The following JKAMP variants were observed in gnomAD, a reference collection of about 807,000 sequenced individuals.
JKAMP encodes JNK1/MAPK8-associated membrane protein.
Under a neutral mutation model 40.2 loss-of-function variants are expected in JKAMP, and 20 were observed. The observed-to-expected ratio is 0.50, with a 90% CI of 0.35 to 0.72. The LOEUF is 0.72. Ranked by LOEUF, JKAMP falls within the 30% of genes least tolerant of loss-of-function variation. The pLI is 0.01. For missense variants in JKAMP, 276 were observed against 373.0 expected (o/e 0.74, Z 2.14); for synonymous variants, 138 against 131.6 (o/e 1.05, Z -0.33).
chr14:59,489,922 C>T (rs959541404), intron 3 of JKAMP, among the ~76,000 whole-genome samples: 2 of 151,680 alleles, frequency 1.3e-5, no homozygotes, highest in Non-Finnish European at 2.9e-5. Context: ...TTTAATTTAT[C>T]TTTTCGTTTT....
Position 59,486,790 on chromosome 14 carries a change from T to C in JKAMP, c.82T>C (p.Tyr28His). 6.4e-7 allele frequency: 1 copy of C among 1,572,320 alleles called. No homozygotes were observed. Among genetic ancestry groups the C allele is most frequent in the Non-Finnish European group, 8.7e-7 (1 of 1,151,624 alleles). Residue 28 changes from tyrosine to histidine, a missense_variant, in exon 2 of 7, where the codon TAT (tyrosine) becomes CAT (histidine). By Grantham distance (83) the Tyr-to-His change is moderately conservative. Transcript: ENST00000616435. The part of the protein sequence containing the change: ...LLFKNGSTEI[Y>H]GECGVCPRGQ... ...ATTTAAAAATGGCTCAACTGAAATA[T>C]ATGGAGAATGTGGGGTAAGTCTTAT...
At chr14:59,485,003 G>A (rs1165483409) in intron 1 of JKAMP, 6 of 1,583,958 alleles carry the variant, frequency 3.8e-6, no homozygotes, top group Admixed American at 1.8e-5. Flanking sequence ...TATAGCGCCC[G>A]TCACAAAGGG....
chr14:59,491,348 T>C (rs1204649823), intron 3 of JKAMP, among the ~76,000 whole-genome samples: 1 of 152,206 alleles, frequency 6.6e-6, no homozygotes, highest in Non-Finnish European at 1.5e-5. Context: ...ATTAGTTTAA[T>C]GAGAGGAGTT....
chr14:59,498,063 TA>T (rs1467294100), intron 4 of JKAMP, among the ~76,000 whole-genome samples: 1 of 152,158 alleles, frequency 6.6e-6, no homozygotes, highest in Non-Finnish European at 1.5e-5. Flanking sequence ...AAAATTACAT[TA>T]AAAATGGGAC....
At chr14:59,487,907 A>G in intron 3 of JKAMP, 79 bp downstream of exon 3, 2 of 1,276,900 alleles carry the variant, frequency 1.6e-6, no homozygotes, top group Non-Finnish European at 2.2e-6. Context: ...TTAAGTAATT[A>G]TGCTTCTTCT....
At chr14:59,486,176 T>C (rs757315860) in intron 1 of JKAMP, among the ~76,000 whole-genome samples, 13 of 152,220 alleles carry the variant, frequency 8.5e-5, no homozygotes, top group Non-Finnish European at 1.5e-4. Context: ...TGATAAAAGC[T>C]AGGACAATGT....
intron 3 of JKAMP, among the ~76,000 whole-genome samples, chr14:59,490,291 A>G (rs1247195186): frequency 6.6e-6 from 1 of 152,214 alleles, no homozygotes; most frequent in Non-Finnish European, 1.5e-5. Context: ...TACTGTGAGC[A>G]CAGCTCCAAG....
chr14:59,498,948 T>C, intron 5 of JKAMP, 40 bp downstream of exon 5: 2 of 1,166,532 alleles, frequency 1.7e-6, no homozygotes, highest in African/African-American at 1.6e-5. Context: ...ATATTTATTA[T>C]TGTATGTAGT....
At chr14:59,490,046 C>T (rs1299846328) in intron 3 of JKAMP, among the ~76,000 whole-genome samples, 1 of 152,126 alleles carries the variant, frequency 6.6e-6, no homozygotes, top group Non-Finnish European at 1.5e-5. Context: ...TCTCAGCCTT[C>T]CAAGTAGCTG....
intron 3 of JKAMP, among the ~76,000 whole-genome samples, chr14:59,494,138 G>C (rs900442115): frequency 1.3e-5 from 2 of 151,654 alleles, no homozygotes; most frequent in Non-Finnish European, 2.9e-5. Flanking sequence ...GTGTGTGTGT[G>C]AGATACACAC....
In JKAMP at chr14:59,495,178, G is replaced by GA; in HGVS notation, c.413dup (p.Asp138GlufsTer11). ...CACGATGCTTTACAACCCAAGTCCA[G>GA]ATTACGTTACCACAGTACACTGTAC... On this transcript the variant is annotated frameshift_variant, in exon 4 of 7. Coordinates refer to ENST00000616435, the MANE Select transcript of JKAMP (RefSeq NM_016475.5). LOFTEE classifies it high-confidence loss of function. The GA allele has an allele frequency of 6.2e-7, 1 of 1,613,710 alleles. No homozygotes were observed. Among genetic ancestry groups the GA allele is most frequent in the Non-Finnish European group, 8.5e-7 (1 of 1,179,708 alleles).
chr14:59,505,049 A>G lies in JKAMP; in HGVS notation c.*977A>G, dbSNP rs1439776763. ...AATGAAATTTTTAGCTCTTAACCTAACAACCTGACCATGTTTATCCATTTT... is the reference window on the plus strand; with the variant it reads ...AATGAAATTTTTAGCTCTTAACCTAGCAACCTGACCATGTTTATCCATTTT... On this transcript the variant is annotated 3_prime_UTR_variant, in exon 7 of 7. Transcript: ENST00000616435. The G allele has an allele frequency of 2.5e-6, 1 of 395,926 alleles. No individual in the cohort carries two copies. Among genetic ancestry groups the G allele is most frequent in the Non-Finnish European group, 4.5e-6 (1 of 221,042 alleles). The allele number at this position is 395,926 out of a possible 1,614,324, so 24.5% of individuals were successfully genotyped here.
At chr14:59,495,883 ATCT>A (rs1193527524) in intron 4 of JKAMP, among the ~76,000 whole-genome samples, 3 of 152,132 alleles carry the variant, frequency 2.0e-5, no homozygotes, top group Non-Finnish European at 4.4e-5. Flanking sequence ...AAAAATGAAA[ATCT>A]TCTTTTCTAC....
rs1194035554 is a variant in JKAMP, at chr14:59,505,220, C to T, written c.*1148C>T. 1.5e-6 allele frequency: 2 copies of T among 1,344,386 alleles called. No homozygotes were observed. Among genetic ancestry groups the T allele is most frequent in the East Asian group, 5.1e-5 (2 of 39,538 alleles). The allele number at this position is 1,344,386 out of a possible 1,614,324, so 83.3% of individuals were successfully genotyped here. Reference sequence around the variant, plus strand: ...TGTAGTAGTCTGTCTTTTGAATTCACAGCAGTTGTATCCTTGAGTTACTTT... The same window carrying T: ...TGTAGTAGTCTGTCTTTTGAATTCATAGCAGTTGTATCCTTGAGTTACTTT... On this transcript the variant is annotated 3_prime_UTR_variant, in exon 7 of 7. Transcript: ENST00000616435.
In JKAMP at chr14:59,495,240, G is replaced by A. The variant is rs776995090; in HGVS notation, c.458+16G>A. ...TCTACCCACTGTAAGTGTTTATTTC[G>A]ACTTAAGATCATTGTTTTTTTTTAA... is the stretch of plus-strand genomic sequence containing the variant. On this transcript the variant is annotated intron_variant, in intron 4 of 6. Transcript: ENST00000616435. The A allele has an allele frequency of 2.0e-6, 3 of 1,528,826 alleles. No homozygotes were observed. The highest frequency in any genetic ancestry group is 1.1e-5 in the South Asian group (1 of 88,304). The allele number at this position is 1,528,826 out of a possible 1,614,324, so 94.7% of individuals were successfully genotyped here. A position where few individuals can be genotyped will look rare whatever the true frequency, so the allele number is the denominator to read the frequency against.
chr14:59,498,034 C>CT (rs1010901898), intron 4 of JKAMP, among the ~76,000 whole-genome samples: 5 of 151,246 alleles, frequency 3.3e-5, no homozygotes, highest in South Asian at 2.1e-4. Flanking sequence ...CTTTCTACAG[C>CT]TTTTTTTTTC....
rs774022679 is a variant in JKAMP, at chr14:59,503,869, C to G, written c.733C>G (p.Leu245Val). The G allele has an allele frequency of 6.2e-7, 1 of 1,609,664 alleles. No homozygotes were observed. The highest frequency in any genetic ancestry group is 8.5e-7 in the Non-Finnish European group (1 of 1,176,042). ...ASEIENCYDL[L>V]VRKKRLIVLF... Reference sequence around the variant, plus strand: ...AATTATATAGAACTGCTATGATCTTCTGGTCAGAAAGAAAAGACTTATTGT... The same window carrying G: ...AATTATATAGAACTGCTATGATCTTGTGGTCAGAAAGAAAAGACTTATTGT... Residue 245 changes from leucine to valine, a missense_variant, in exon 7 of 7, where the codon CTG becomes GTG. Transcript: ENST00000616435.
intron 3 of JKAMP, among the ~76,000 whole-genome samples, chr14:59,491,161 G>T (rs558783529): frequency 5.1e-4 from 77 of 152,324 alleles, no homozygotes; most frequent in Middle Eastern, 3.4e-3. Flanking sequence ...GATAACCCCT[G>T]AGCTGATCTG....
Position 59,495,276 on chromosome 14 carries a change from A to G in JKAMP, c.458+52A>G, listed in dbSNP as rs1199091831. 4.4e-6 allele frequency: 6 copies of G among 1,358,614 alleles called. No individual in the cohort carries two copies. The Admixed American group carries it at 8.7e-5, about 20-fold the overall frequency. 84.2% of individuals were successfully genotyped at this position (1,358,614 alleles called of 1,614,324 possible). A position where few individuals can be genotyped will look rare whatever the true frequency, so the allele number is the denominator to read the frequency against. ...ATTGTTTTTTTTTAAATCTCTGAGG[A>G]TTATTATAGATTTTATGGCGTTTGG... On this transcript the variant is annotated intron_variant, in intron 4 of 6. Transcript: ENST00000616435.
Sources: gnomAD v4.1 joint callset for allele counts (sites outside exome capture counted in the v4.1 genomes callset) on GRCh38, gnomAD v4.1.1 for gene constraint, MANE v1.5 for transcripts, NCBI Gene and HGNC (gene_info 2026-07-23, HGNC 2026-07-21) for gene names.